Variants in ATP6AP2 observed in about 807,000 individuals in gnomAD.
The protein encoded by ATP6AP2 is renin receptor.
In ATP6AP2, 1 loss-of-function variant was observed where a neutral mutation model predicts 23.4. The ratio of observed to expected loss-of-function variants is 0.04; its 90% CI spans 0.02 to 0.20. ATP6AP2 has a LOEUF of 0.20. ATP6AP2 is among the 10% of genes least tolerant of loss of function. ATP6AP2 has a pLI of 1.00. For synonymous variants in ATP6AP2, 90 were observed against 97.1 expected, an observed-to-expected ratio of 0.93 and a Z score of 0.43; for missense variants, 174 against 271.3, an observed-to-expected ratio of 0.64 and a Z score of 2.52.
At chrX:40,592,075 G>C (rs1427074015) in intron 3 of ATP6AP2, 2 of 112,913 alleles carry the variant, frequency 1.8e-5, no homozygotes, top group Non-Finnish European at 3.7e-5. Flanking sequence ...CTGGCTTGCT[G>C]CCCTTGGCTG....
intron 1 of ATP6AP2, among the ~76,000 whole-genome samples, chrX:40,583,544 G>A (rs1246385314): frequency 8.9e-6 from 1 of 111,847 alleles, no homozygotes; most frequent in Non-Finnish European, 1.9e-5. Flanking sequence ...GGTTTCTTGG[G>A]TGTTAATGCT....
intron 1 of ATP6AP2, 92 bp downstream of exon 1, chrX:40,581,194 G>A (rs1311512703): frequency 4.3e-6 from 4 of 929,149 alleles, no homozygotes; most frequent in African/African-American, 4.2e-5. Context: ...GTAGCTGCGA[G>A]GCAGGTGCCG....
Position 40,591,172 on chromosome X carries a change from T to A in ATP6AP2, c.169-62T>A. ...CCCCTTAACTCTGCTTATTAGATGT[T>A]ATTGGGGAGGTGGGTTCCTGAGTTG... is the stretch of plus-strand genomic sequence containing the variant. On this transcript the variant is annotated intron_variant, in intron 2 of 8. Coordinates refer to ENST00000636580, the MANE Select transcript of ATP6AP2 (RefSeq NM_005765.3). The A allele has an allele frequency of 2.5e-6, 3 of 1,194,138 alleles. No individual in the cohort carries two copies. In the South Asian group the frequency reaches 5.3e-5, roughly 21 times the overall value.
At chrX:40,597,909 C>T in intron 5 of ATP6AP2, 2 of 342,299 alleles carry the variant, frequency 5.8e-6, no homozygotes, top group Non-Finnish European at 1.0e-5. Context: ...TGCACATTTA[C>T]TGCTGGGGTA....
intron 1 of ATP6AP2, among the ~76,000 whole-genome samples, chrX:40,588,404 G>A (rs907744518): frequency 1.1e-5 from 1 of 91,407 alleles, no homozygotes; most frequent in Non-Finnish European, 2.0e-5. Flanking sequence ...AAGGAAAGAT[G>A]TTACCTATCC....
chrX:40,600,124 G>T (rs1926868352), intron 7 of ATP6AP2: 1 of 230,596 alleles, frequency 4.3e-6, no homozygotes, highest in Non-Finnish European at 7.9e-6. Flanking sequence ...TTCCCCAACT[G>T]AAACTCTGTA....
intron 1 of ATP6AP2, among the ~76,000 whole-genome samples, chrX:40,586,367 A>G (rs1322500520): frequency 8.9e-6 from 1 of 112,044 alleles, no homozygotes; most frequent in African/African-American, 3.2e-5. Context: ...GACTGAACAC[A>G]GGATTGTCTT....
intron 1 of ATP6AP2, among the ~76,000 whole-genome samples, chrX:40,588,164 A>ATATT (rs1926524120): frequency 8.9e-6 from 1 of 112,643 alleles, no homozygotes; most frequent in East Asian, 2.8e-4. Context: ...CTTATAAAAT[A>ATATT]GTCCCTTTAT....
intron 1 of ATP6AP2, among the ~76,000 whole-genome samples, chrX:40,583,556 T>C (rs956214671): frequency 1.8e-5 from 2 of 111,583 alleles, no homozygotes; most frequent in Non-Finnish European, 3.8e-5. Context: ...GTTAATGCTT[T>C]GGGTTTTGCC....
intron 1 of ATP6AP2, 48 bp from the exon 2 acceptor site, chrX:40,588,938 A>G (rs764347884): frequency 4.3e-6 from 5 of 1,165,643 alleles, no homozygotes; most frequent in Non-Finnish European, 5.8e-6. Flanking sequence ...GTCAAGGTAA[A>G]TGATTTATGA....
chrX:40,598,685 A>G lies in ATP6AP2; in HGVS notation c.539A>G (p.Asp180Gly), dbSNP rs748977074. The change falls in exon 6 of 9, where the codon GAC becomes GGC. Residue 180 changes from aspartate (D) to glycine (G), a missense_variant. Asp to Gly is a moderately conservative substitution (Grantham distance 94). Transcript: ENST00000636580. ...TTTTTTTTGGGCTCTCTGAAGGTTG[A>G]CCTGCTCTTTCTTTCTGAACTGCAA... ...LNSLSRNNEV[D>G]LLFLSELQVL... The G allele has an allele frequency of 1.1e-5, 13 of 1,208,195 alleles. No homozygotes were observed. The African/African-American group carries it at 2.3e-4, about 21-fold the overall frequency.
At chrX:40,589,460 G>T in intron 2 of ATP6AP2, 1 of 196,505 alleles carries the variant, frequency 5.1e-6, no homozygotes, top group Non-Finnish European at 9.4e-6. Context: ...CAAATCATTA[G>T]AAATCATTAA....
intron 1 of ATP6AP2, among the ~76,000 whole-genome samples, chrX:40,583,833 C>T (rs970047021): frequency 9.0e-6 from 1 of 111,627 alleles, no homozygotes; most frequent in Non-Finnish European, 1.9e-5. Flanking sequence ...TGATTCCAGC[C>T]ACTGGGTGGA....
At chrX:40,583,112 A>C (rs1398824365) in intron 1 of ATP6AP2, among the ~76,000 whole-genome samples, 5 of 112,415 alleles carry the variant, frequency 4.4e-5, no homozygotes, top group African/African-American at 1.6e-4. Flanking sequence ...AGAGGAAGGG[A>C]ACTAGGATTT....
chrX:40,601,418 C>G (rs1395516484), intron 8 of ATP6AP2, among the ~76,000 whole-genome samples: 1 of 112,040 alleles, frequency 8.9e-6, no homozygotes, highest in African/African-American at 3.3e-5. Context: ...CTGAGATCCT[C>G]TGTGTGCACC....
In ATP6AP2 at chrX:40,591,266, C is replaced by G. The variant is rs769913293; in HGVS notation, c.201C>G (p.Asn67Lys). ...DLSWPGLAVGNLFHRPRATVM... is the reference protein window; with the variant it reads ...DLSWPGLAVGKLFHRPRATVM... ...CTTGGCCAGGACTCGCAGTGGGTAACCTGTTTCATCGTCCTCGGGCTACCG... is the reference window on the plus strand; with the variant it reads ...CTTGGCCAGGACTCGCAGTGGGTAAGCTGTTTCATCGTCCTCGGGCTACCG... Residue 67 changes from asparagine (N) to lysine (K), a missense_variant, in exon 3 of 9, where the codon AAC (asparagine) becomes AAG (lysine). By Grantham distance (94) the Asn-to-Lys change is moderately conservative (BLOSUM62 0). Coordinates refer to ENST00000636580, the MANE Select transcript of ATP6AP2 (RefSeq NM_005765.3). 8.3e-7 allele frequency: 1 copy of G among 1,210,344 alleles called. No individual in the cohort carries two copies. The highest frequency in any genetic ancestry group is 1.8e-5 in the South Asian group (1 of 56,938).
rs1927011966 is a variant in ATP6AP2 at position 40,604,170 on chromosome X, A to AG, written c.859-1390dup. Among the ~76,000 whole-genome samples, 11 of 111,924 alleles carry AG rather than the reference A, an allele frequency of 9.8e-5. No individual in the cohort carries two copies. The South Asian group carries it at 4.0e-3, about 41-fold the overall frequency. The stretch of plus-strand genomic sequence containing the variant: ...TACACAGCTCTGTATTTTAAAAAAA[A>AG]GTGTTAAGTGGATCATACATACATA... On this transcript the variant is annotated intron_variant, in intron 8 of 8. Coordinates refer to ENST00000636580, the MANE Select transcript of ATP6AP2 (RefSeq NM_005765.3).
At chrX:40,602,605 G>A (rs1216258385) in intron 8 of ATP6AP2, among the ~76,000 whole-genome samples, 3 of 105,372 alleles carry the variant, frequency 2.8e-5, no homozygotes, top group African/African-American at 1.0e-4. Context: ...AGCTGAGATT[G>A]TGCCACTGTA....
chrX:40,585,247 T>C (rs1456308510), intron 1 of ATP6AP2, among the ~76,000 whole-genome samples: 1 of 111,860 alleles, frequency 8.9e-6, no homozygotes, highest in Non-Finnish European at 1.9e-5. Context: ...AGTAGAAGTA[T>C]ATACTTTACA....
Sources: allele counts gnomAD v4.1 joint callset (sites outside exome capture counted in the v4.1 genomes callset), GRCh38; gene constraint gnomAD v4.1.1; transcripts MANE v1.5; gene names NCBI Gene and HGNC (gene_info 2026-07-23, HGNC 2026-07-21).